Variants in AFAP1 observed in about 807,000 individuals in gnomAD.
AFAP1 encodes the protein actin filament-associated protein 1.
AFAP1 carries 75 observed loss-of-function variants against 93.9 expected under a neutral mutation model. That is an observed-to-expected ratio of 0.80 (90% CI 0.66 to 0.97). The LOEUF (loss-of-function observed/expected upper bound fraction) is 0.97, where lower values mean the gene tolerates loss of function less well. AFAP1 is among the 50% of genes least tolerant of loss of function. The pLI is 0.00. For synonymous variants in AFAP1, 517 were observed against 430.7 expected, an observed-to-expected ratio of 1.20 and a Z score of -2.48; for missense variants, 1,201 against 1,050.8, an observed-to-expected ratio of 1.14 and a Z score of -1.98.
At chr4:7,793,387 C>T (rs1486027990) in intron 11 of AFAP1, among the ~76,000 whole-genome samples, 1 of 152,160 alleles carries the variant, frequency 6.6e-6, no homozygotes, top group Non-Finnish European at 1.5e-5. Flanking sequence ...TGTACGGTGT[C>T]CAGCTGCAGC....
chr4:7,816,543 A>G (rs910592399), intron 7 of AFAP1, among the ~76,000 whole-genome samples: 1 of 152,244 alleles, frequency 6.6e-6, no homozygotes, highest in African/African-American at 2.4e-5. Context: ...GCTTGTAACA[A>G]TACACTCAGA....
chr4:7,912,925 G>A (rs1178522845), intron 1 of AFAP1, among the ~76,000 whole-genome samples: 3 of 152,054 alleles, frequency 2.0e-5, no homozygotes, highest in African/African-American at 4.8e-5. Context: ...ATAGCTCACT[G>A]CAGCCTTGAC....
At position 7,759,548 on chromosome 4, in the gene AFAP1, TAAG is replaced by T. The variant is rs1031366052; in HGVS notation, c.*4214_*4216del. 1.3e-5 allele frequency: 2 copies of T among 152,680 alleles called. No homozygotes were observed. The highest frequency in any genetic ancestry group is 1.3e-4 in the Admixed American group (2 of 15,284). 9.5% of individuals were successfully genotyped at this position (152,680 alleles called of 1,614,324 possible). A position where few individuals can be genotyped will look rare whatever the true frequency, so the allele number is the denominator to read the frequency against. ...GTATGAACCCAGCCCACCAAGGGGA[TAAG>T]AAGACAGTGACAACCAGGAAAAAAT... is the stretch of plus-strand genomic sequence containing the variant. On this transcript the variant is annotated 3_prime_UTR_variant, in exon 18 of 18. Coordinates refer to ENST00000420658, the MANE Select transcript of AFAP1 (RefSeq NM_001134647.2).
intron 12 of AFAP1, among the ~76,000 whole-genome samples, chr4:7,781,857 T>C (rs1299245607): frequency 6.6e-6 from 1 of 152,212 alleles, no homozygotes; most frequent in African/African-American, 2.4e-5. Flanking sequence ...TCAAAAGGAC[T>C]TGACTTCTGA....
chr4:7,904,729 G>A (rs564899149), intron 1 of AFAP1, among the ~76,000 whole-genome samples: 2 of 152,030 alleles, frequency 1.3e-5, no homozygotes, highest in Non-Finnish European at 2.9e-5. Context: ...TTTTGTTTTA[G>A]GACGGGGTCT....
chr4:7,895,861 T>G lies in AFAP1; in HGVS notation c.-2-23781A>C, dbSNP rs1297794209. Among the ~76,000 whole-genome samples the G allele has an allele frequency of 2.0e-5, 3 of 150,382 alleles. No individual in the cohort carries two copies. The East Asian group carries it at 5.8e-4, about 29-fold the overall frequency. ...GTGTGTTCTTCAGAAAGTTTTTTTT[T>G]TTTTTTTTTTTTTTAAGACGGGAGT... On this transcript the variant is annotated intron_variant, in intron 1 of 17. Coordinates refer to ENST00000420658, the MANE Select transcript of AFAP1 (RefSeq NM_001134647.2).
At chr4:7,895,751 G>A (rs1212776530) in intron 1 of AFAP1, among the ~76,000 whole-genome samples, 5 of 151,864 alleles carry the variant, frequency 3.3e-5, no homozygotes, top group South Asian at 4.2e-4. Context: ...AAATATCAGC[G>A]GTTTTAGGAA....
chr4:7,924,556 G>A (rs2149239771), intron 1 of AFAP1, among the ~76,000 whole-genome samples: 1 of 152,340 alleles, frequency 6.6e-6, no homozygotes, highest in East Asian at 1.9e-4. Flanking sequence ...ATGTGAACGT[G>A]AAAACTGCTT....
At chr4:7,793,569 TCTTTAG>T in intron 11 of AFAP1, 106 bp downstream of exon 11, 2 of 1,192,168 alleles carry the variant, frequency 1.7e-6, no homozygotes, top group Non-Finnish European at 2.2e-6. Flanking sequence ...AAAGGGAAAG[TCTTTAG>T]TTTTTCTTCT....
intron 1 of AFAP1, among the ~76,000 whole-genome samples, chr4:7,896,184 G>C (rs989369990): frequency 2.0e-5 from 3 of 151,964 alleles, no homozygotes; most frequent in African/African-American, 4.8e-5. Flanking sequence ...AATCCAAATG[G>C]TCCAATTTCT....
rs1373666271 is a variant in AFAP1 at position 7,763,325 on chromosome 4, GC to G, written c.*439del. On this transcript the variant is annotated 3_prime_UTR_variant, in exon 18 of 18. Transcript: ENST00000420658. The stretch of plus-strand genomic sequence containing the variant: ...GGTGGGCGTGCAAGGCGAGCCCAGT[GC>G]CCATGGCCAGCCACACTCATGCCCG... The G allele has an allele frequency of 5.5e-6, 1 of 181,598 alleles. No homozygotes were observed. Among genetic ancestry groups the G allele is most frequent in the African/African-American group, 2.7e-5 (1 of 37,540 alleles). The allele number at this position is 181,598 out of a possible 1,614,324, so 11.2% of individuals were successfully genotyped here. A position where few individuals can be genotyped will look rare whatever the true frequency, so the allele number is the denominator to read the frequency against.
intron 8 of AFAP1, among the ~76,000 whole-genome samples, chr4:7,814,498 G>T (rs1015244007): frequency 1.3e-5 from 2 of 152,120 alleles, no homozygotes; most frequent in Admixed American, 1.3e-4. Flanking sequence ...TTCAACCGTC[G>T]CTCCAAAGTG....
chr4:7,886,288 A>G (rs1306841027), intron 1 of AFAP1, among the ~76,000 whole-genome samples: 1 of 152,258 alleles, frequency 6.6e-6, no homozygotes, highest in East Asian at 1.9e-4. Context: ...ACTGCTGTAA[A>G]TAAAAACCTC....
chr4:7,855,963 C>G (rs1429117466), intron 3 of AFAP1, among the ~76,000 whole-genome samples: 1 of 152,172 alleles, frequency 6.6e-6, no homozygotes, highest in East Asian at 1.9e-4. Flanking sequence ...CACACACCAA[C>G]CCTCGCAGGC....
At chr4:7,779,497 G>A (rs112114547) in intron 13 of AFAP1, among the ~76,000 whole-genome samples, 6 of 152,314 alleles carry the variant, frequency 3.9e-5, no homozygotes, top group African/African-American at 1.2e-4. Flanking sequence ...AGGCCAACAC[G>A]TTTTGCATTT....
chr4:7,905,205 T>C (rs1195827691), intron 1 of AFAP1, among the ~76,000 whole-genome samples: 1 of 152,192 alleles, frequency 6.6e-6, no homozygotes, highest in African/African-American at 2.4e-5. Flanking sequence ...CATACATGTG[T>C]CTTGATTTCA....
rs1465596291 is a variant in AFAP1 at position 7,855,526 on chromosome 4, C to A, written c.274G>T (p.Gly92Cys). The change falls in exon 4 of 18, where the codon GGT becomes TGT. Residue 92 changes from glycine to cysteine, a missense_variant. Gly to Cys is a radical substitution (Grantham distance 159). Transcript: ENST00000420658. Reference sequence around the variant, plus strand: ...AGCGGCACAGCTTCCTCATAATAACCTTCTGGGAGGGAGGATGTTGGCAAT... The same window carrying A: ...AGCGGCACAGCTTCCTCATAATAACATTCTGGGAGGGAGGATGTTGGCAAT... Reference protein sequence around the residue: ...PPLPTSSLPEGYYEEAVPLSP... With the variant: ...PPLPTSSLPECYYEEAVPLSP... 6.2e-7 allele frequency: 1 copy of A among 1,613,862 alleles called. No homozygotes were observed. The highest frequency in any genetic ancestry group is 1.3e-5 in the African/African-American group (1 of 74,910).
intron 1 of AFAP1, among the ~76,000 whole-genome samples, chr4:7,920,220 G>A (rs1444983492): frequency 1.3e-5 from 2 of 152,172 alleles, no homozygotes. Flanking sequence ...TCGCCACACT[G>A]TCTTCCACAA....
At chr4:7,899,432 G>T (rs1477267774) in intron 1 of AFAP1, among the ~76,000 whole-genome samples, 1 of 152,162 alleles carries the variant, frequency 6.6e-6, no homozygotes, top group Non-Finnish European at 1.5e-5. Context: ...ACATGCACTG[G>T]TATGCAAATT....
Sources: allele counts gnomAD v4.1 joint callset (sites outside exome capture counted in the v4.1 genomes callset), GRCh38; gene constraint gnomAD v4.1.1; transcripts MANE v1.5; gene names NCBI Gene and HGNC (gene_info 2026-07-23, HGNC 2026-07-21).